Variants in PVT1 observed in about 807,000 individuals in gnomAD.
The protein encoded by PVT1 is Pvt1 oncogene.
At chr8:127,859,625 G>A (rs1315145917) in intron 2 of PVT1, among the ~76,000 whole-genome samples, 2 of 152,088 alleles carry the variant, frequency 1.3e-5, no homozygotes, top group Non-Finnish European at 2.9e-5. Flanking sequence ...GGCTGCCCTG[G>A]TCCTGTGGAA....
chr8:128,019,255 G>A (rs1586483871), intron 4 of PVT1, among the ~76,000 whole-genome samples: 1 of 152,100 alleles, frequency 6.6e-6, no homozygotes, highest in East Asian at 1.9e-4. Context: ...GGGAGATAAT[G>A]GAAAAAATTA....
intron 4 of PVT1, among the ~76,000 whole-genome samples, chr8:128,021,631 A>G (rs977379962): frequency 2.0e-5 from 3 of 152,104 alleles, no homozygotes; most frequent in African/African-American, 7.2e-5. Flanking sequence ...ATCAGTCCCC[A>G]CAAACAGAAA....
At chr8:127,938,137 T>C (rs1033793423) in intron 3 of PVT1, among the ~76,000 whole-genome samples, 4 of 152,166 alleles carry the variant, frequency 2.6e-5, no homozygotes, top group Non-Finnish European at 2.9e-5. Context: ...TACTGTTTTT[T>C]CCTAGGGCTG....
At chr8:127,976,744 G>A (rs1397306603) in intron 3 of PVT1, among the ~76,000 whole-genome samples, 1 of 152,112 alleles carries the variant, frequency 6.6e-6, no homozygotes, top group Non-Finnish European at 1.5e-5. Flanking sequence ...CCTCAGGGAG[G>A]TGCTCGTTGC....
chr8:127,963,305 G>A (rs1160258427), intron 3 of PVT1, among the ~76,000 whole-genome samples: 3 of 152,156 alleles, frequency 2.0e-5, no homozygotes, highest in Non-Finnish European at 4.4e-5. Flanking sequence ...TGCGGTCCAC[G>A]GGGCAGGACT....
chr8:128,092,042 G>A (rs776082884), intron 5 of PVT1, among the ~76,000 whole-genome samples: 14 of 152,166 alleles, frequency 9.2e-5, no homozygotes, highest in African/African-American at 1.4e-4. Flanking sequence ...CCCCTGGGCC[G>A]TGTGCAAGCT....
chr8:127,997,262 A>G (rs1402186436), intron 4 of PVT1, among the ~76,000 whole-genome samples: 1 of 151,734 alleles, frequency 6.6e-6, no homozygotes, highest in African/African-American at 2.4e-5. Context: ...GCTGGTCTCG[A>G]ACTCCTGACC....
At chr8:128,089,587 A>G (rs567341744) in intron 5 of PVT1, among the ~76,000 whole-genome samples, 1 of 152,376 alleles carries the variant, frequency 6.6e-6, no homozygotes, top group East Asian at 1.9e-4. Flanking sequence ...CAAGGATTCA[A>G]CATTGCCCCT....
intron 3 of PVT1, among the ~76,000 whole-genome samples, chr8:127,974,780 A>G (rs753324285): frequency 6.6e-6 from 1 of 152,236 alleles, no homozygotes; most frequent in Non-Finnish European, 1.5e-5. Flanking sequence ...TACGGGTGAG[A>G]AAACAAAATC....
chr8:128,021,601 C>T (rs1051378401), intron 4 of PVT1, among the ~76,000 whole-genome samples: 3 of 152,032 alleles, frequency 2.0e-5, no homozygotes, highest in African/African-American at 7.2e-5. Context: ...CCTGTCTGGG[C>T]CATCTTTATA....
intron 3 of PVT1, among the ~76,000 whole-genome samples, chr8:127,912,167 GC>G (rs1815906143): frequency 6.6e-6 from 1 of 152,210 alleles, no homozygotes; most frequent in Admixed American, 6.5e-5. Context: ...ATTCAGCTCA[GC>G]CCACTGTGCA....
intron 2 of PVT1, among the ~76,000 whole-genome samples, chr8:127,875,150 CTT>C (rs1815391951): frequency 6.6e-6 from 1 of 152,182 alleles, no homozygotes; most frequent in Non-Finnish European, 1.5e-5. Context: ...GGTTTTAACT[CTT>C]TCCCACCTTA....
intron 5 of PVT1, among the ~76,000 whole-genome samples, chr8:128,096,266 A>C (rs1396708739): frequency 6.6e-6 from 1 of 152,216 alleles, no homozygotes; most frequent in East Asian, 1.9e-4. Flanking sequence ...TTCAATCTGT[A>C]AAATGGCAAT....
At chr8:127,989,577 G>T (rs909793464) in intron 4 of PVT1, among the ~76,000 whole-genome samples, 1 of 152,186 alleles carries the variant, frequency 6.6e-6, no homozygotes, top group African/African-American at 2.4e-5. Flanking sequence ...GGTGCAGGAT[G>T]CTCCAGCTGT....
intron 3 of PVT1, among the ~76,000 whole-genome samples, chr8:127,930,606 C>T (rs979044970): frequency 1.3e-5 from 2 of 152,110 alleles, no homozygotes; most frequent in Admixed American, 1.3e-4. Context: ...GTGTGTGCAT[C>T]TCCATCTATG....
At chr8:127,977,150 C>G (rs1816830931) in intron 3 of PVT1, among the ~76,000 whole-genome samples, 1 of 152,206 alleles carries the variant, frequency 6.6e-6, no homozygotes, top group African/African-American at 2.4e-5. Flanking sequence ...TTGCACAAAG[C>G]CCAGGCTCTA....
intron 2 of PVT1, among the ~76,000 whole-genome samples, chr8:127,880,667 C>T (rs1815456015): frequency 7.0e-6 from 1 of 143,516 alleles, no homozygotes; most frequent in Non-Finnish European, 1.5e-5. Flanking sequence ...GTGGCATGAT[C>T]ACTGCTCATT....
intron 3 of PVT1, among the ~76,000 whole-genome samples, chr8:127,908,294 C>T (rs749379900): frequency 3.3e-5 from 5 of 151,694 alleles, no homozygotes; most frequent in Non-Finnish European, 7.4e-5. Context: ...CATGTGCATC[C>T]CTTCATCCCT....
intron 3 of PVT1, among the ~76,000 whole-genome samples, chr8:127,892,941 T>G (rs1815630179): frequency 6.6e-6 from 1 of 152,182 alleles, no homozygotes; most frequent in Admixed American, 6.5e-5. Context: ...TGGTGGCAGC[T>G]GTGCCTCACT....
Sources: gnomAD v4.1 joint callset for allele counts (sites outside exome capture counted in the v4.1 genomes callset) on GRCh38, gnomAD v4.1.1 for gene constraint, MANE v1.5 for transcripts, NCBI Gene and HGNC (gene_info 2026-07-23, HGNC 2026-07-21) for gene names.